The following TTN variants were observed in gnomAD, a reference collection of about 807,000 sequenced individuals.
The protein encoded by TTN is connectin.
TTN carries 1,525 observed loss-of-function variants against 3,223.0 expected under a neutral mutation model. The observed-to-expected ratio is 0.47, with a 90% CI of 0.45 to 0.49. The LOEUF (loss-of-function observed/expected upper bound fraction) is 0.49. Among genes scored for constraint, TTN ranks in the 20% least tolerant of loss-of-function variants. TTN has a pLI of 0.00. For missense variants in TTN, 40,786 were observed against 43,424.0 expected, an observed-to-expected ratio of 0.94 and a Z score of 5.40; for synonymous variants, 14,094 against 15,161.0, an observed-to-expected ratio of 0.93 and a Z score of 5.17.
intron 294 of TTN, among the ~76,000 whole-genome samples, chr2:178,596,494 C>A (rs4894030): frequency 0.75 from 113,545 of 151,860 alleles, 42,766 homozygotes; most frequent in South Asian, 0.86. Context: ...GCAGGGGAAA[C>A]GGAGAGAGAG....
chr2:178,731,304 C>T lies in TTN; in HGVS notation c.17461+1G>A, dbSNP rs747990127. ...ACCCAAGGCAAACGTTCTGAACCAA[C>T]CTTTTACTGAGAGTAATGCAGAACA... is the stretch of plus-strand genomic sequence containing the variant. On this transcript the variant is annotated splice_donor_variant, in intron 59 of 362. Transcript: ENST00000589042. LOFTEE classifies it high-confidence loss of function. 2.5e-6 allele frequency: 4 copies of T among 1,613,480 alleles called. No individual in the cohort carries two copies. Among genetic ancestry groups the T allele is most frequent in the Admixed American group, 1.7e-5 (1 of 59,992 alleles).
rs1559571835 is a variant in TTN, at chr2:178,589,590, GAGCCCTTA to G, written c.62127_62134del (p.Lys20710ArgfsTer2). On this transcript the variant is annotated frameshift_variant, in exon 304 of 363. Transcript: ENST00000589042. LOFTEE classifies it high-confidence loss of function. Reference sequence around the variant, plus strand: ...TTTATGCACTCTTTCCCAGTCATCGGAGCCCTTAAGCCTTCTCTCAACATGATATGACA... The same window carrying G: ...TTTATGCACTCTTTCCCAGTCATCGGAGCCTTCTCTCAACATGATATGACA... The G allele has an allele frequency of 6.2e-7, 1 of 1,613,302 alleles. No homozygotes were observed.
intron 359 of TTN, among the ~76,000 whole-genome samples, 174 bp downstream of exon 359, chr2:178,529,786 A>G (rs1343126653): frequency 6.6e-6 from 1 of 152,268 alleles, no homozygotes; most frequent in African/African-American, 2.4e-5. Context: ...ATAGAAAAGC[A>G]TATGCTAACT....
chr2:178,612,650 T>C, intron 265 of TTN, 74 bp from the exon 266 acceptor site: 1 of 1,544,238 alleles, frequency 6.5e-7, no homozygotes, highest in African/African-American at 1.4e-5. Context: ...GTGCAGGCAG[T>C]CATTAAGAAG....
chr2:178,529,087 G>C lies in TTN; in HGVS notation c.106664C>G (p.Ala35555Gly). 1 of 1,612,634 alleles carries C rather than the reference G, an allele frequency of 6.2e-7. No individual in the cohort carries two copies. Among genetic ancestry groups the C allele is most frequent in the Non-Finnish European group, 8.5e-7 (1 of 1,179,348 alleles). Residue 35555 changes from alanine (A) to glycine (G), a missense_variant, in exon 360 of 363, where the codon GCA becomes GGA. Physicochemically the swap from Ala to Gly is moderately conservative, Grantham distance 60. Coordinates refer to ENST00000589042, the MANE Select transcript of TTN (RefSeq NM_001267550.2). The part of the protein sequence containing the change: ...LRSEEIKMSE[A>G]KSQEKLALKE... ...GAGGGCTAACTTTTCTTGAGATTTTGCCTCTGACATCTTAATTTCTTCAGA... is the reference window on the plus strand; with the variant it reads ...GAGGGCTAACTTTTCTTGAGATTTTCCCTCTGACATCTTAATTTCTTCAGA...
chr2:178,777,694 T>C lies in TTN; in HGVS notation c.4480+10A>G. ...TTTATGATTCATGAGCAAAAACTTA[T>C]CACGCTTACCATCATGAAACCAGAA... On this transcript the variant is annotated intron_variant, in intron 25 of 362. Coordinates refer to ENST00000589042, the MANE Select transcript of TTN (RefSeq NM_001267550.2). 1 of 1,614,060 alleles carries C rather than the reference T, an allele frequency of 6.2e-7. No individual in the cohort carries two copies. The highest frequency in any genetic ancestry group is 8.5e-7 in the Non-Finnish European group (1 of 1,179,948).
chr2:178,754,803 G>A (rs1329411142), intron 46 of TTN, among the ~76,000 whole-genome samples: 6 of 152,156 alleles, frequency 3.9e-5, no homozygotes, highest in Admixed American at 6.6e-5. Flanking sequence ...AGGCTACGGT[G>A]ACAGAATGAG....
chr2:178,748,040 A>G, intron 47 of TTN: 1 of 1,612,974 alleles, frequency 6.2e-7, no homozygotes, highest in Non-Finnish European at 8.5e-7. Flanking sequence ...CTCTGGTTCT[A>G]GAGTGCATTC....
chr2:178,685,263 T>G lies in TTN; in HGVS notation c.32460A>C (p.Pro10820=). Residue 10820 remains proline, a synonymous_variant, in exon 129 of 363, where the codon CCA becomes CCC. Coordinates refer to ENST00000589042, the MANE Select transcript of TTN (RefSeq NM_001267550.2). The part of the protein sequence containing the change: ...PKIPAKIEEP[P]PAKVPEAPKK... ...TGAAAGAAATCATACCTTTAGCCGG[T>G]GGAGGCTCCTCTATTTTAGCAGGAA... 1.3e-6 allele frequency: 2 copies of G among 1,548,608 alleles called. No individual in the cohort carries two copies. The highest frequency in any genetic ancestry group is 1.7e-6 in the Non-Finnish European group (2 of 1,146,368).
chr2:178,612,222 C>A (rs891694505), intron 266 of TTN, 55 bp downstream of exon 266: 1 of 1,603,164 alleles, frequency 6.2e-7, no homozygotes, highest in African/African-American at 1.3e-5. Context: ...TCTCCTGTCA[C>A]AAAAATTAAG....
rs1218123312 is a variant in TTN, at chr2:178,639,698, C to CCTGCTTTCTTTCCAACCA, written c.40859_40876dup (p.Val13620_Ala13625dup). The CCTGCTTTCTTTCCAACCA allele has an allele frequency of 6.2e-7, 1 of 1,611,218 alleles. No homozygotes were observed. The highest frequency in any genetic ancestry group is 2.2e-5 in the East Asian group (1 of 44,660). ...CAAAAAGAAAGCTACAGGATAAATA[C>CCTGCTTTCTTTCCAACCA]CTGCTTTCTTTCCAACCACTGGCAC... On this transcript the variant is annotated inframe_insertion and splice_region_variant. Transcript: ENST00000589042.
chr2:178,689,709 A>G, intron 122 of TTN, 104 bp downstream of exon 122: 2 of 1,448,026 alleles, frequency 1.4e-6, no homozygotes, highest in Non-Finnish European at 1.9e-6. Context: ...TCTCACCACA[A>G]AACATTCATT....
chr2:178,772,496 A>G (rs2091676829), intron 33 of TTN, among the ~76,000 whole-genome samples: 1 of 152,218 alleles, frequency 6.6e-6, no homozygotes, highest in Non-Finnish European at 1.5e-5. Flanking sequence ...AAGCTAAGAA[A>G]TTCTACTGAA....
At chr2:178,751,693 C>G (rs527359787) in intron 47 of TTN, 12 of 1,613,146 alleles carry the variant, frequency 7.4e-6, no homozygotes, top group African/African-American at 1.3e-5. Context: ...TGTCTTGGAC[C>G]CTTTTAATCT....
rs1418024772 is a variant in TTN, at chr2:178,634,561, C to T, written c.42220G>A (p.Glu14074Lys). Residue 14074 changes from glutamate (E) to lysine (K), a missense_variant, in exon 230 of 363, where the codon GAA becomes AAA. Glu to Lys is a moderately conservative substitution (Grantham distance 56). Transcript: ENST00000589042. The surrounding 1 kb of genome is among the most constrained non-coding windows in gnomAD (Gnocchi z 4.6). ...TTTGCCTCTCGGGTGAGGACACATT[C>T]GAATCGAGCCTGTCGCCTTTCTGGA... ...TVPERRQARFECVLTREANVI... is the reference protein window; with the variant it reads ...TVPERRQARFKCVLTREANVI... The T allele has an allele frequency of 2.3e-5, 37 of 1,613,330 alleles. No homozygotes were observed. The highest frequency in any genetic ancestry group is 9.3e-5 in the African/African-American group (7 of 74,960).
intron 112 of TTN, 98 bp from the exon 113 acceptor site, chr2:178,697,266 G>T (rs2073906110): frequency 9.9e-7 from 1 of 1,006,680 alleles, no homozygotes; most frequent in African/African-American, 1.7e-5. Flanking sequence ...GTTTGTAGGA[G>T]CTATGACTAC....
intron 156 of TTN, among the ~76,000 whole-genome samples, chr2:178,670,758 T>G (rs1350834868): frequency 6.6e-6 from 1 of 151,944 alleles, no homozygotes; most frequent in African/African-American, 2.4e-5. Flanking sequence ...CAGGTTAATA[T>G]AATTAATAAT....
At chr2:178,794,363 G>T in intron 8 of TTN, 36 bp downstream of exon 8, 11 of 1,613,334 alleles carry the variant, frequency 6.8e-6, no homozygotes, top group Non-Finnish European at 8.5e-6. Context: ...TGAAGGACGT[G>T]GCTCTGCGGG....
intron 51 of TTN, 24 bp downstream of exon 51, chr2:178,734,683 T>G: frequency 6.3e-7 from 1 of 1,584,850 alleles, no homozygotes; most frequent in Non-Finnish European, 8.6e-7. Flanking sequence ...AGAAAAATAC[T>G]GGATGGAAAC....
Sources: allele counts gnomAD v4.1 joint callset (sites outside exome capture counted in the v4.1 genomes callset), GRCh38; gene constraint gnomAD v4.1.1; non-coding constraint Gnocchi (gnomAD v3.1); transcripts MANE v1.5; gene names NCBI Gene and HGNC (gene_info 2026-07-23, HGNC 2026-07-21).